SLC9A4: variants seen among roughly 807,000 people sequenced by gnomAD.
SLC9A4 encodes sodium/hydrogen exchanger 4.
A neutral mutation model predicts 67.4 loss-of-function variants in SLC9A4; 63 were observed. The ratio of observed to expected loss-of-function variants is 0.93; its 90% CI spans 0.76 to 1.15. SLC9A4 has a LOEUF of 1.15. SLC9A4 is among the 50% of genes most tolerant of loss of function. The pLI is 0.00. For synonymous variants in SLC9A4, 393 were observed against 367.2 expected, an observed-to-expected ratio of 1.07 and a Z score of -0.80; for missense variants, 1,089 against 987.7, an observed-to-expected ratio of 1.10 and a Z score of -1.38.
At chr2:102,474,230 G>T (rs530643063) in intron 1 of SLC9A4, among the ~76,000 whole-genome samples, 1 of 152,164 alleles carries the variant, frequency 6.6e-6, no homozygotes, top group Non-Finnish European at 1.5e-5. Flanking sequence ...GCATACTTCT[G>T]GGTACTGGGC....
At chr2:102,484,490 T>C (rs1397769305) in intron 2 of SLC9A4, among the ~76,000 whole-genome samples, 2 of 152,204 alleles carry the variant, frequency 1.3e-5, no homozygotes, top group African/African-American at 4.8e-5. Context: ...GGAAAATTTA[T>C]ATTCAGCTCT....
In SLC9A4 at chr2:102,525,011, AT is replaced by A; in HGVS notation, c.1819-9del. The A allele has an allele frequency of 6.2e-7, 1 of 1,613,556 alleles. No individual in the cohort carries two copies. Among genetic ancestry groups the A allele is most frequent in the Non-Finnish European group, 8.5e-7 (1 of 1,179,742 alleles). On this transcript the variant is annotated splice_polypyrimidine_tract_variant and intron_variant, in intron 9 of 11. Transcript: ENST00000295269. ...GGAGTCCTTACGTATTTGACATTCC[AT>A]TTTCTCTGCAGACCCTGTCCTACAA...
At chr2:102,492,906 G>A (rs1371172188) in intron 2 of SLC9A4, among the ~76,000 whole-genome samples, 1 of 152,186 alleles carries the variant, frequency 6.6e-6, no homozygotes, top group Non-Finnish European at 1.5e-5. Context: ...GCCAGGTACT[G>A]TAAATCATCT....
chr2:102,481,146 C>T (rs1684453460), intron 2 of SLC9A4, among the ~76,000 whole-genome samples: 1 of 152,076 alleles, frequency 6.6e-6, no homozygotes, highest in South Asian at 2.1e-4. Context: ...TGCATGTAGA[C>T]CAGTTGAGGT....
Position 102,503,620 on chromosome 2 carries a change from T to C in SLC9A4, c.893T>C (p.Ile298Thr), listed in dbSNP as rs1171920333. 6.2e-7 allele frequency: 1 copy of C among 1,614,082 alleles called. No individual in the cohort carries two copies. Among genetic ancestry groups the C allele is most frequent in the Non-Finnish European group, 8.5e-7 (1 of 1,180,048 alleles). ...TTTATCACACGTTTCACTCAGAATA[T>C]CTCTGCAATTGAGCCACTCATCGTC... ...SAFITRFTQN[I>T]SAIEPLIVFM... The change falls in exon 3 of 12, where the codon ATC becomes ACC. Residue 298 changes from isoleucine to threonine, a missense_variant. By Grantham distance (89) the Ile-to-Thr change is moderately conservative. Transcript: ENST00000295269.
In SLC9A4 at chr2:102,503,708, G is replaced by C; in HGVS notation, c.980+1G>C. On this transcript the variant is annotated splice_donor_variant, in intron 3 of 11. Transcript: ENST00000295269. LOFTEE classifies it high-confidence loss of function. ...CCCTCTATCTCTCCGGCATCCTGGC[G>C]TGAGTACAAACCAAGGATCAAGTCA... 1.9e-6 allele frequency: 3 copies of C among 1,613,852 alleles called. No individual in the cohort carries two copies. The highest frequency in any genetic ancestry group is 1.1e-5 in the South Asian group (1 of 91,072).
At chr2:102,518,734 A>G (rs1685331138) in intron 8 of SLC9A4, among the ~76,000 whole-genome samples, 1 of 152,158 alleles carries the variant, frequency 6.6e-6, no homozygotes, top group East Asian at 1.9e-4. Flanking sequence ...AAATACTTAA[A>G]AGGTGGCCTG....
intron 6 of SLC9A4, among the ~76,000 whole-genome samples, chr2:102,509,516 A>G (rs1003615793): frequency 6.6e-6 from 1 of 152,198 alleles, no homozygotes. Flanking sequence ...TCTCCCTACC[A>G]CAGTCTGCCG....
At chr2:102,477,033 G>A (rs1684348350) in intron 1 of SLC9A4, among the ~76,000 whole-genome samples, 1 of 152,150 alleles carries the variant, frequency 6.6e-6, no homozygotes, top group Non-Finnish European at 1.5e-5. Flanking sequence ...CAAAGCCATG[G>A]TCAGGGAAGC....
intron 11 of SLC9A4, among the ~76,000 whole-genome samples, chr2:102,526,741 G>A (rs1371773810): frequency 6.6e-6 from 1 of 152,082 alleles, no homozygotes; most frequent in Non-Finnish European, 1.5e-5. Flanking sequence ...ATTTAAATAT[G>A]AGCAGAGTTC....
intron 8 of SLC9A4, 68 bp downstream of exon 8, chr2:102,514,319 C>A: frequency 8.6e-7 from 1 of 1,160,720 alleles, no homozygotes; most frequent in Non-Finnish European, 1.2e-6. Context: ...GACTCATTGC[C>A]TCATTTAAAG....
In SLC9A4 at chr2:102,473,738, T is replaced by C; in HGVS notation, c.-22T>C. On this transcript the variant is annotated 5_prime_UTR_variant, in exon 1 of 12. An upstream open reading frame in the 5' UTR loses its in-frame stop. Coordinates refer to ENST00000295269, the MANE Select transcript of SLC9A4 (RefSeq NM_001011552.4). ...TGTGGCACACATCCACACAGGGGTGTAGGTAGGAGAAGCCCACAGGAATGG... is the reference window on the plus strand; with the variant it reads ...TGTGGCACACATCCACACAGGGGTGCAGGTAGGAGAAGCCCACAGGAATGG... 6.2e-7 allele frequency: 1 copy of C among 1,612,094 alleles called. No homozygotes were observed. Among genetic ancestry groups the C allele is most frequent in the East Asian group, 2.2e-5 (1 of 44,866 alleles).
chr2:102,491,829 A>G (rs1366040217), intron 2 of SLC9A4, among the ~76,000 whole-genome samples: 1 of 152,220 alleles, frequency 6.6e-6, no homozygotes, highest in Non-Finnish European at 1.5e-5. Context: ...CTCATCTCAG[A>G]CAAGGCAAGT....
In SLC9A4 at chr2:102,513,416, C is replaced by T. The variant is rs116000934; in HGVS notation, c.1560-674C>T. Among the ~76,000 whole-genome samples, 1,481 of 152,324 alleles carry T rather than the reference C, an allele frequency of 9.7e-3. 19 individuals carry two copies. Among genetic ancestry groups the T allele is most frequent in the African/African-American group, 0.029 (1,200 of 41,570 alleles). On this transcript the variant is annotated intron_variant, in intron 7 of 11. Transcript: ENST00000295269. ...TGATTGAAAGTGTTGAAAATTCCAA[C>T]TCCAAACAAATGGCTGACTCTGAAG...
intron 11 of SLC9A4, among the ~76,000 whole-genome samples, chr2:102,530,269 G>A (rs1221688997): frequency 6.6e-6 from 1 of 152,146 alleles, no homozygotes; most frequent in Non-Finnish European, 1.5e-5. Context: ...TCATGCCAGG[G>A]TGCCCATGTC....
At chr2:102,525,635 G>A (rs1339574612) in intron 10 of SLC9A4, among the ~76,000 whole-genome samples, 1 of 152,006 alleles carries the variant, frequency 6.6e-6, no homozygotes, top group Admixed American at 6.5e-5. Flanking sequence ...CTTCCCATTG[G>A]AGGCCATAAC....
intron 2 of SLC9A4, among the ~76,000 whole-genome samples, chr2:102,488,990 T>C (rs1684646075): frequency 6.6e-6 from 1 of 152,220 alleles, no homozygotes; most frequent in South Asian, 2.1e-4. Context: ...CAGACACTGC[T>C]TGTTCCACTA....
intron 2 of SLC9A4, among the ~76,000 whole-genome samples, chr2:102,480,060 T>G (rs1357361506): frequency 6.6e-6 from 1 of 152,234 alleles, no homozygotes; most frequent in Non-Finnish European, 1.5e-5. Context: ...TATACTTTTC[T>G]TATTTTTAAA....
At chr2:102,522,502 G>A (rs898854816) in intron 9 of SLC9A4, among the ~76,000 whole-genome samples, 2 of 152,090 alleles carry the variant, frequency 1.3e-5, no homozygotes, top group African/African-American at 4.8e-5. Flanking sequence ...GTCATGGGAG[G>A]TTATGGGAGG....
Sources: gnomAD v4.1 joint callset for allele counts (sites outside exome capture counted in the v4.1 genomes callset) on GRCh38, gnomAD v4.1.1 for gene constraint, MANE v1.5 for transcripts, NCBI Gene and HGNC (gene_info 2026-07-23, HGNC 2026-07-21) for gene names.